BRCC3: variants seen among roughly 807,000 people sequenced by gnomAD.
The protein encoded by BRCC3 is lys-63-specific deubiquitinase BRCC36.
A neutral mutation model predicts 28.0 loss-of-function variants in BRCC3; 15 were observed. The ratio of observed to expected loss-of-function variants is 0.54; its 90% CI spans 0.36 to 0.82. The LOEUF (loss-of-function observed/expected upper bound fraction) is 0.82. Ranked by LOEUF, BRCC3 falls within the 40% of genes least tolerant of loss-of-function variation. BRCC3 has a pLI of 0.01. For synonymous variants in BRCC3, 66 were observed against 80.3 expected (o/e 0.82, Z 0.95); for missense variants, 109 against 225.9 (o/e 0.48, Z 3.32).
intron 4 of BRCC3, among the ~76,000 whole-genome samples, chrX:155,077,592 C>G (rs1339661911): frequency 9.0e-6 from 1 of 111,477 alleles, no homozygotes; most frequent in Non-Finnish European, 1.9e-5. Context: ...CCTCCCTGCC[C>G]CTCCTTCCAG....
intron 10 of BRCC3, among the ~76,000 whole-genome samples, chrX:155,120,441 G>T (rs2074382492): frequency 8.9e-6 from 1 of 112,050 alleles, no homozygotes; most frequent in Non-Finnish European, 1.9e-5. Context: ...TGTCTGGGGG[G>T]TATATTTTAA....
At position 155,098,573 on chromosome X, in the gene BRCC3, A is replaced by G. The variant is rs781954375; in HGVS notation, c.548+7734A>G. Reference sequence around the variant, plus strand: ...TGTAAATCACGTTTTATTGGAATATAGCCACATCCATTTATTTACATATTG... The same window carrying G: ...TGTAAATCACGTTTTATTGGAATATGGCCACATCCATTTATTTACATATTG... On this transcript the variant is annotated intron_variant, in intron 7 of 10. Transcript: ENST00000330045. Among the ~76,000 whole-genome samples the G allele has an allele frequency of 4.4e-5, 5 of 112,381 alleles. No individual in the cohort carries two copies. The South Asian group carries it at 1.8e-3, about 41-fold the overall frequency.
intron 7 of BRCC3, among the ~76,000 whole-genome samples, chrX:155,115,176 C>T (rs1489512486): frequency 1.8e-5 from 2 of 111,951 alleles, no homozygotes; most frequent in African/African-American, 6.5e-5. Context: ...GGAGAATTCA[C>T]TACAAGAAAT....
intron 3 of BRCC3, among the ~76,000 whole-genome samples, chrX:155,074,375 A>C (rs1187871899): frequency 8.9e-6 from 1 of 111,772 alleles, no homozygotes; most frequent in African/African-American, 3.3e-5. Context: ...AGTCAAACCC[A>C]CTGAGGTCTG....
At position 155,121,410 on chromosome X, in the gene BRCC3, A is replaced by C. The variant is rs1472079345; in HGVS notation, c.*206A>C. ...GATGAGAGAACCCAGAAATAAACCCATATAAATATGCTCAGCTGATTTTGA... is the reference window on the plus strand; with the variant it reads ...GATGAGAGAACCCAGAAATAAACCCCTATAAATATGCTCAGCTGATTTTGA... On this transcript the variant is annotated 3_prime_UTR_variant, in exon 11 of 11. Coordinates refer to ENST00000330045, the MANE Select transcript of BRCC3 (RefSeq NM_001018055.3). 1.8e-5 allele frequency: 2 copies of C among 112,083 alleles called. No homozygotes were observed. Among genetic ancestry groups the C allele is most frequent in the Non-Finnish European group, 3.8e-5 (2 of 53,250 alleles). The allele number at this position is 112,083 out of a possible 1,213,427, so 9.2% of individuals were successfully genotyped here.
At chrX:155,075,589 T>C (rs935620130) in intron 3 of BRCC3, among the ~76,000 whole-genome samples, 38 of 111,526 alleles carry the variant, frequency 3.4e-4, no homozygotes, top group African/African-American at 1.2e-3. Flanking sequence ...CTTGAAACTT[T>C]AGAGTCCTCT....
intron 5 of BRCC3, among the ~76,000 whole-genome samples, chrX:155,084,626 G>C (rs895444742): frequency 1.7e-4 from 19 of 111,980 alleles, no homozygotes; most frequent in African/African-American, 6.2e-4. Context: ...GCCCTCCAAA[G>C]TGCTGGGATT....
At position 155,116,715 on chromosome X, in the gene BRCC3, A is replaced by G. The variant is rs1557298840; in HGVS notation, c.685A>G (p.Thr229Ala). 2 of 1,175,701 alleles carry G rather than the reference A, an allele frequency of 1.7e-6. No homozygotes were observed. The highest frequency in any genetic ancestry group is 2.3e-6 in the Non-Finnish European group (2 of 871,592). Reference sequence around the variant, plus strand: ...CTAAACTATTTTATTCTTTAGCCTTACACATCTGGACTCAGTAACCAAGAT... The same window carrying G: ...CTAAACTATTTTATTCTTTAGCCTTGCACATCTGGACTCAGTAACCAAGAT... ...QDAYRRIHSL[T>A]HLDSVTKIHN... Residue 229 changes from threonine (T) to alanine (A), a missense_variant, in exon 9 of 11, where the codon ACA becomes GCA. By Grantham distance (58) the Thr-to-Ala change is moderately conservative. Around this residue, in one of 3 missense-constraint regions of BRCC3, gnomAD observed 50 missense variants for 115.2 expected, o/e 0.43. Transcript: ENST00000330045.
chrX:155,103,104 G>A (rs1434462683), intron 7 of BRCC3, among the ~76,000 whole-genome samples: 3 of 112,354 alleles, frequency 2.7e-5, no homozygotes, highest in Non-Finnish European at 1.9e-5. Context: ...TAGTTCATAC[G>A]TAGTATAAGA....
At chrX:155,105,919 G>A (rs1293389152) in intron 7 of BRCC3, among the ~76,000 whole-genome samples, 7 of 111,540 alleles carry the variant, frequency 6.3e-5, no homozygotes. Context: ...AGCTGGTCTC[G>A]AACTCCCAAC....
At chrX:155,119,691 C>A (rs1454304728) in intron 9 of BRCC3, among the ~76,000 whole-genome samples, 1 of 112,173 alleles carries the variant, frequency 8.9e-6, no homozygotes, top group Non-Finnish European at 1.9e-5. Flanking sequence ...GAAAGGAACC[C>A]TTTCGTGGCT....
At position 155,071,638 on chromosome X, in the gene BRCC3, G is replaced by A; in HGVS notation, c.111G>A (p.Leu37=). The A allele has an allele frequency of 8.3e-7, 1 of 1,208,678 alleles. No homozygotes were observed. Among genetic ancestry groups the A allele is most frequent in the Non-Finnish European group, 1.1e-6 (1 of 893,827 alleles). ...CAGAGAAGGAGGAAGTAATGGGGCT[G>A]TGCATAGGGGAGGTGAGTAGGTCTG... ...LSTEKEEVMG[L]CIGELNDDTR... The change falls in exon 1 of 11, where the codon CTG becomes CTA. Residue 37 remains leucine (L), a synonymous_variant. Transcript: ENST00000330045.
chrX:155,083,916 C>G (rs1484339702), intron 5 of BRCC3, among the ~76,000 whole-genome samples: 4 of 112,269 alleles, frequency 3.6e-5, no homozygotes, highest in Non-Finnish European at 7.5e-5. Context: ...AGCTGAAATA[C>G]CCAGTCCAAA....
intron 3 of BRCC3, among the ~76,000 whole-genome samples, chrX:155,074,580 C>T (rs1475010881): frequency 2.7e-5 from 3 of 111,890 alleles, no homozygotes; most frequent in African/African-American, 9.8e-5. Context: ...CTCTTAGGCA[C>T]TGAAATCTCT....
At chrX:155,090,742 T>C in intron 6 of BRCC3, 42 bp from the exon 7 acceptor site, 5 of 1,073,289 alleles carry the variant, frequency 4.7e-6, no homozygotes, top group Non-Finnish European at 3.8e-6. Flanking sequence ...ATATTAATCT[T>C]TCTTTGTGTG....
intron 5 of BRCC3, among the ~76,000 whole-genome samples, chrX:155,082,633 G>A (rs1054094865): frequency 1.2e-4 from 13 of 112,358 alleles, no homozygotes; most frequent in Non-Finnish European, 2.1e-4. Context: ...TTGCAGACAT[G>A]ATGCTCCTTT....
At chrX:155,091,165 A>C (rs1171636375) in intron 7 of BRCC3, among the ~76,000 whole-genome samples, 1 of 112,324 alleles carries the variant, frequency 8.9e-6, no homozygotes. Context: ...CTGAACATGC[A>C]GAGTACTAGA....
intron 2 of BRCC3, among the ~76,000 whole-genome samples, chrX:155,072,710 C>T (rs782364844): frequency 9.1e-6 from 1 of 110,274 alleles, no homozygotes; most frequent in East Asian, 2.8e-4. Flanking sequence ...TACAGGTGCC[C>T]GCCACCACAC....
At chrX:155,090,903 T>C in intron 7 of BRCC3, 64 bp downstream of exon 7, 1 of 822,362 alleles carries the variant, frequency 1.2e-6, no homozygotes, top group Non-Finnish European at 1.8e-6. Flanking sequence ...GAATTTATTG[T>C]TTTGTTTCAT....
Sources: allele counts gnomAD v4.1 joint callset (sites outside exome capture counted in the v4.1 genomes callset), GRCh38; gene constraint gnomAD v4.1.1; regional missense constraint gnomAD v4.1.1; transcripts MANE v1.5; gene names NCBI Gene and HGNC (gene_info 2026-07-23, HGNC 2026-07-21).